Variants in RIMKLB observed in about 807,000 individuals in gnomAD.
RIMKLB encodes beta-citrylglutamate synthase B.
In RIMKLB, 7 loss-of-function variants were observed where a neutral mutation model predicts 32.0. The ratio of observed to expected loss-of-function variants is 0.22; its 90% confidence interval spans 0.12 to 0.41. RIMKLB has a LOEUF of 0.41. RIMKLB is among the 10% of genes least tolerant of loss of function. RIMKLB has a pLI of 1.00. For synonymous variants in RIMKLB, 172 were observed against 185.1 expected (o/e 0.93, Z 0.57); for missense variants, 289 against 498.7 (o/e 0.58, Z 4.00).
chr12:8,749,028 T>C (rs1948400455), intron 2 of RIMKLB, among the ~76,000 whole-genome samples: 2 of 152,182 alleles, frequency 1.3e-5, no homozygotes, highest in Admixed American at 1.3e-4. Flanking sequence ...TCAAGAAACA[T>C]TTATTTTAAA....
chr12:8,671,539 C>T, the RIMKLB span, among the ~76,000 whole-genome samples: 26 of 152,080 alleles, frequency 1.7e-4, 2 homozygotes, highest in East Asian at 1.9e-4. Flanking sequence ...TGTGAGTCAC[C>T]GCACCCAGCT....
In RIMKLB at chr12:8,777,001, T is replaced by C; in HGVS notation, c.*3217T>C. On this transcript the variant is annotated 3_prime_UTR_variant, in exon 6 of 6. Transcript: ENST00000535829. ...GTGTTATACTTTTCTCCTGGCTCAC[T>C]TTTTTTGAGAAGGTTTATGGGCTAT... 1 of 985,738 alleles carries C rather than the reference T, an allele frequency of 1.0e-6. No individual in the cohort carries two copies. Among genetic ancestry groups the C allele is most frequent in the Non-Finnish European group, 1.2e-6 (1 of 829,856 alleles). 61.1% of individuals were successfully genotyped at this position (985,738 alleles called of 1,614,324 possible). A position where few individuals can be genotyped will look rare whatever the true frequency, so the allele number is the denominator to read the frequency against.
intron 5 of RIMKLB, among the ~76,000 whole-genome samples, chr12:8,771,555 C>G (rs946860441): frequency 2.0e-5 from 3 of 152,110 alleles, no homozygotes; most frequent in African/African-American, 7.2e-5. Flanking sequence ...AGATATAATT[C>G]TTATATTGTA....
chr12:8,707,660 G>C (rs1003924305), intron 1 of RIMKLB, among the ~76,000 whole-genome samples: 4 of 152,132 alleles, frequency 2.6e-5, no homozygotes, highest in Non-Finnish European at 5.9e-5. Context: ...TCATGCCTTG[G>C]TCTTTCTGGT....
intron 2 of RIMKLB, among the ~76,000 whole-genome samples, chr12:8,741,873 T>G (rs972745696): frequency 1.3e-5 from 2 of 151,860 alleles, no homozygotes; most frequent in Non-Finnish European, 2.9e-5. Flanking sequence ...CAAACCTGCA[T>G]GTGTACCCCC....
At chr12:8,756,402 T>C (rs1348802908) in intron 5 of RIMKLB, among the ~76,000 whole-genome samples, 7 of 152,150 alleles carry the variant, frequency 4.6e-5, no homozygotes, top group East Asian at 1.9e-4. Context: ...TTCCTACTTA[T>C]CTCTCTGAGA....
intron 1 of RIMKLB, among the ~76,000 whole-genome samples, chr12:8,707,039 G>C (rs1054383640): frequency 1.3e-5 from 2 of 152,188 alleles, no homozygotes; most frequent in Non-Finnish European, 1.5e-5. Flanking sequence ...AAAATTTAAT[G>C]AGAGAGCGTG....
upstream of RIMKLB, among the ~76,000 whole-genome samples, chr12:8,695,716 GAC>G (rs1239488243): frequency 7.6e-6 from 1 of 132,098 alleles, no homozygotes; most frequent in Non-Finnish European, 1.6e-5. Context: ...TTTTTTTTGA[GAC>G]AGAGTTTTGC....
intron 2 of RIMKLB, among the ~76,000 whole-genome samples, chr12:8,723,387 A>G (rs766651797): frequency 1.3e-5 from 2 of 152,318 alleles, no homozygotes; most frequent in African/African-American, 4.8e-5. Flanking sequence ...TCGCCCATTT[A>G]TAATAGTAAC....
chr12:8,781,042 T>C (rs1278187521), downstream of RIMKLB, among the ~76,000 whole-genome samples: 1 of 152,232 alleles, frequency 6.6e-6, no homozygotes, highest in Non-Finnish European at 1.5e-5. Flanking sequence ...AATCATTTTA[T>C]ACAAATAAAA....
At chr12:8,715,315 C>A (rs993019405) in intron 2 of RIMKLB, among the ~76,000 whole-genome samples, 8 of 150,218 alleles carry the variant, frequency 5.3e-5, no homozygotes, top group Non-Finnish European at 1.2e-4. Flanking sequence ...ACCTCTGCCT[C>A]CCAGGTTCAA....
chr12:8,772,651 G>A (rs779878274), intron 5 of RIMKLB, among the ~76,000 whole-genome samples: 7 of 152,154 alleles, frequency 4.6e-5, no homozygotes, highest in African/African-American at 7.2e-5. Context: ...CAAACACTAC[G>A]GGTAAACTCA....
rs952331517 is a variant in RIMKLB, at chr12:8,759,439, G to C, written c.697+5346G>C. On this transcript the variant is annotated intron_variant, in intron 5 of 5. Transcript: ENST00000535829. Reference sequence around the variant, plus strand: ...CTTTTTAAAAAGCCCATAACTTTTTGCATTTCAACTTGCAATTTTTTTTCC... The same window carrying C: ...CTTTTTAAAAAGCCCATAACTTTTTCCATTTCAACTTGCAATTTTTTTTCC... Among the ~76,000 whole-genome samples the C allele has an allele frequency of 6.3e-4, 96 of 152,054 alleles. 1 individual carries two copies. Among genetic ancestry groups the C allele is most frequent in the Admixed American group, 4.6e-4 (7 of 15,262 alleles).
intron 5 of RIMKLB, among the ~76,000 whole-genome samples, chr12:8,757,688 T>G (rs1005048723): frequency 6.6e-6 from 1 of 152,210 alleles, no homozygotes; most frequent in Non-Finnish European, 1.5e-5. Flanking sequence ...ATTCCTAAAC[T>G]AGTTATTATT....
intron 1 of RIMKLB, among the ~76,000 whole-genome samples, chr12:8,704,897 A>T (rs1393757425): frequency 2.0e-5 from 3 of 151,172 alleles, no homozygotes; most frequent in Non-Finnish European, 4.4e-5. Flanking sequence ...AGGTGGGAGG[A>T]TTATTTGAGC....
At chr12:8,727,900 CA>C (rs112200431) in intron 2 of RIMKLB, among the ~76,000 whole-genome samples, 5,366 of 135,412 alleles carry the variant, frequency 0.04, 306 homozygotes, top group African/African-American at 0.13. Context: ...GACATTGTCT[CA>C]AAAAAAAAAA....
At chr12:8,687,617 G>C (rs890573812) in intron 1 of RIMKLB, among the ~76,000 whole-genome samples, 1 of 151,942 alleles carries the variant, frequency 6.6e-6, no homozygotes, top group African/African-American at 2.4e-5. Flanking sequence ...TTCTACCAGG[G>C]CTCCCCTCCT....
chr12:8,730,750 TTTTC>T (rs1338078241), intron 2 of RIMKLB, among the ~76,000 whole-genome samples: 3 of 152,150 alleles, frequency 2.0e-5, no homozygotes, highest in Non-Finnish European at 2.9e-5. Flanking sequence ...TTTTTTAAAA[TTTTC>T]TTTGAGACGG....
chr12:8,673,293 A>G, the RIMKLB span, among the ~76,000 whole-genome samples: 1 of 152,138 alleles, frequency 6.6e-6, no homozygotes, highest in South Asian at 2.1e-4. Context: ...AATACTCCTT[A>G]CTGACAAGTT....
Sources: gnomAD v4.1 joint callset for allele counts (sites outside exome capture counted in the v4.1 genomes callset) on GRCh38, gnomAD v4.1.1 for gene constraint, MANE v1.5 for transcripts, NCBI Gene and HGNC (gene_info 2026-07-23, HGNC 2026-07-21) for gene names.